The following UBTD1 variants were observed in gnomAD, a reference collection of about 807,000 sequenced individuals.
UBTD1 encodes the protein ubiquitin domain containing 1, also known as ubiquitin domain-containing protein 1.
Under a neutral mutation model 21.7 loss-of-function variants are expected in UBTD1, and 19 were observed. The ratio of observed to expected loss-of-function variants is 0.87; its 90% CI spans 0.61 to 1.28. The LOEUF is 1.28. Among genes scored for constraint, UBTD1 ranks in the 50% most tolerant of loss-of-function variants. UBTD1 has a pLI of 0.00. For missense variants in UBTD1, 282 were observed against 315.1 expected, an observed-to-expected ratio of 0.89 and a Z score of 0.80; for synonymous variants, 116 against 135.1, an observed-to-expected ratio of 0.86 and a Z score of 0.98.
Position 97,524,284 on chromosome 10 carries a change from TGC to T in UBTD1, c.70+25013_70+25014del, listed in dbSNP as rs1491012937. On this transcript the variant is annotated intron_variant, in intron 1 of 2. Coordinates refer to ENST00000370664, the MANE Select transcript of UBTD1 (RefSeq NM_024954.5). The stretch of plus-strand genomic sequence containing the variant: ...TAATTTTTGTATGTTTTTGTAGGGA[TGC>T]GGGGGGGTCTCACTATGTTGCCCAG... Among the ~76,000 whole-genome samples the T allele has an allele frequency of 5.8e-4, 82 of 140,944 alleles. 1 individual carries two copies. The highest frequency in any genetic ancestry group is 7.9e-4 in the African/African-American group (31 of 39,036). 92.5% of individuals were successfully genotyped at this position (140,944 alleles called of 152,430 possible).
chr10:97,568,536 C>T (rs12357750), intron 2 of UBTD1, among the ~76,000 whole-genome samples: 83,615 of 151,528 alleles, frequency 0.55, 25,405 homozygotes, highest in Non-Finnish European at 0.7. Context: ...ATTCTCCTGC[C>T]TCAGCCTCCT....
At position 97,570,500 on chromosome 10, in the gene UBTD1, C is replaced by T. The variant is rs1399825288; in HGVS notation, c.661C>T (p.Gln221Ter). 4 of 1,608,588 alleles carry T rather than the reference C, an allele frequency of 2.5e-6. No homozygotes were observed. The highest frequency in any genetic ancestry group is 2.2e-5 in the East Asian group (1 of 44,738). ...KDFVIQVIINQPPPPQD is the reference protein window; with the variant it reads ...KDFVIQVIIN ...TTTTGTCATCCAGGTCATCATCAAC[C>T]AGCCCCCACCACCCCAGGACTGATG... Residue 221 changes from glutamine (Q) to a stop codon, truncating the protein, a stop_gained, in exon 3 of 3, where the codon CAG becomes TAG. Transcript: ENST00000370664. LOFTEE classifies it high-confidence loss of function. This position sits in a 1 kb window ranked among gnomAD's most constrained non-coding sequence, Gnocchi z 6.6.
intron 1 of UBTD1, among the ~76,000 whole-genome samples, chr10:97,526,918 T>C (rs2040491541): frequency 6.8e-6 from 1 of 146,640 alleles, no homozygotes; most frequent in East Asian, 2.0e-4. Flanking sequence ...ACACCTGTAA[T>C]CCCAGCACTT....
intron 1 of UBTD1, among the ~76,000 whole-genome samples, chr10:97,564,164 A>G (rs538290253): frequency 3.5e-4 from 54 of 152,238 alleles, no homozygotes; most frequent in African/African-American, 1.3e-3. Context: ...ATGGCTGGGA[A>G]TCTGAAGTAG....
At chr10:97,554,526 C>T (rs570385419) in intron 1 of UBTD1, among the ~76,000 whole-genome samples, 5 of 152,016 alleles carry the variant, frequency 3.3e-5, no homozygotes, top group South Asian at 2.1e-4. Context: ...GGATTACCTG[C>T]GTGAGCCACT....
intron 1 of UBTD1, among the ~76,000 whole-genome samples, chr10:97,518,557 T>C (rs915789665): frequency 2.0e-5 from 3 of 152,364 alleles, no homozygotes; most frequent in East Asian, 3.9e-4. Flanking sequence ...CTGGCAGAGC[T>C]GCCTGCTCTC....
At chr10:97,540,392 C>T (rs1326192312) in intron 1 of UBTD1, among the ~76,000 whole-genome samples, 6 of 152,206 alleles carry the variant, frequency 3.9e-5, no homozygotes, top group Non-Finnish European at 5.9e-5. Flanking sequence ...ACTCAGGAGA[C>T]GCAGTATCTT....
intron 1 of UBTD1, among the ~76,000 whole-genome samples, chr10:97,517,568 C>T (rs759069964): frequency 6.6e-5 from 10 of 152,136 alleles, no homozygotes; most frequent in Admixed American, 2.0e-4. Context: ...TGGGAAGTCT[C>T]GTGCGGATGC....
At chr10:97,554,494 G>A (rs1397642837) in intron 1 of UBTD1, among the ~76,000 whole-genome samples, 1 of 151,926 alleles carries the variant, frequency 6.6e-6, no homozygotes, top group Admixed American at 6.6e-5. Flanking sequence ...CGATCCACCT[G>A]CCTCGGCCTC....
rs539107567 is a variant in UBTD1, at chr10:97,544,857, G to A, written c.71-23057G>A. Among the ~76,000 whole-genome samples, 5 of 152,050 alleles carry A rather than the reference G, an allele frequency of 3.3e-5. 1 individual carries two copies. The South Asian group carries it at 1.0e-3, about 32-fold the overall frequency. ...TAAATAAATAAAATCATAAGGAAGA[G>A]AAAATATATTTACTATTCATTAAGT... On this transcript the variant is annotated intron_variant, in intron 1 of 2. Coordinates refer to ENST00000370664, the MANE Select transcript of UBTD1 (RefSeq NM_024954.5).
chr10:97,540,200 A>G (rs2040581282), intron 1 of UBTD1, among the ~76,000 whole-genome samples: 1 of 152,182 alleles, frequency 6.6e-6, no homozygotes, highest in African/African-American at 2.4e-5. Flanking sequence ...TTTGCTTTAT[A>G]TTTCACAGGA....
At chr10:97,514,713 C>G (rs921413275) in intron 1 of UBTD1, among the ~76,000 whole-genome samples, 3 of 152,198 alleles carry the variant, frequency 2.0e-5, no homozygotes, top group African/African-American at 7.2e-5. Flanking sequence ...GGTTCCTCAT[C>G]TGAGTGATGA....
Position 97,570,074 on chromosome 10 carries a change from C to T in UBTD1, c.299-64C>T, listed in dbSNP as rs2040737691. 2.6e-6 allele frequency: 4 copies of T among 1,531,536 alleles called. No individual in the cohort carries two copies. The highest frequency in any genetic ancestry group is 2.6e-6 in the Non-Finnish European group (3 of 1,139,374). 94.9% of individuals were successfully genotyped at this position (1,531,536 alleles called of 1,614,324 possible). On this transcript the variant is annotated intron_variant, in intron 2 of 2. Transcript: ENST00000370664. This position sits in a 1 kb window ranked among gnomAD's most constrained non-coding sequence, Gnocchi z 6.6. Reference sequence around the variant, plus strand: ...TTTCACCATATGAATTTGGGGGGACCCAAACATTTAATCCATGATAGTGGA... The same window carrying T: ...TTTCACCATATGAATTTGGGGGGACTCAAACATTTAATCCATGATAGTGGA...
At chr10:97,529,511 C>T (rs1293589990) in intron 1 of UBTD1, among the ~76,000 whole-genome samples, 2 of 152,216 alleles carry the variant, frequency 1.3e-5, no homozygotes, top group Non-Finnish European at 2.9e-5. Flanking sequence ...TCTGCAATCC[C>T]GGCACCTCGG....
intron 1 of UBTD1, among the ~76,000 whole-genome samples, chr10:97,524,728 G>A (rs1463136702): frequency 2.0e-5 from 3 of 152,184 alleles, no homozygotes; most frequent in African/African-American, 7.2e-5. Context: ...GGGGCAGCTC[G>A]GCTCCTTGTG....
chr10:97,540,795 C>A (rs1483154527), intron 1 of UBTD1, among the ~76,000 whole-genome samples: 2 of 152,204 alleles, frequency 1.3e-5, no homozygotes, highest in African/African-American at 4.8e-5. Context: ...CACCTGCTGC[C>A]TTGATGAGCT....
At chr10:97,567,382 A>G (rs66521603) in intron 1 of UBTD1, among the ~76,000 whole-genome samples, 48,063 of 137,814 alleles carry the variant, frequency 0.35, 10,158 homozygotes, top group Non-Finnish European at 0.47. Flanking sequence ...TCATGTGGGA[A>G]GGGTGCGGTG....
In UBTD1 at chr10:97,499,078, C is replaced by T; in HGVS notation, c.-126C>T. On this transcript the variant is annotated 5_prime_UTR_variant, in exon 1 of 3. Transcript: ENST00000370664. The stretch of plus-strand genomic sequence containing the variant: ...AGCCATCGCTGGGGCTGAGCGCGCC[C>T]CCGGGGGGAGATCGGGGAGCGCCCG... 1 of 1,121,562 alleles carries T rather than the reference C, an allele frequency of 8.9e-7. No homozygotes were observed. Among genetic ancestry groups the T allele is most frequent in the African/African-American group, 1.6e-5 (1 of 60,910 alleles). The allele number at this position is 1,121,562 out of a possible 1,614,324, so 69.5% of individuals were successfully genotyped here.
intron 1 of UBTD1, among the ~76,000 whole-genome samples, chr10:97,511,990 G>T (rs2040424789): frequency 6.6e-6 from 1 of 152,152 alleles, no homozygotes; most frequent in African/African-American, 2.4e-5. Context: ...TTGTATCCTG[G>T]AGGCTTACAC....
Sources: allele counts gnomAD v4.1 joint callset (sites outside exome capture counted in the v4.1 genomes callset), GRCh38; gene constraint gnomAD v4.1.1; non-coding constraint Gnocchi (gnomAD v3.1); transcripts MANE v1.5; gene names NCBI Gene and HGNC (gene_info 2026-07-23, HGNC 2026-07-21).